The following FTCDNL1 variants were observed in gnomAD, a reference collection of about 807,000 sequenced individuals.
FTCDNL1 encodes formiminotransferase N-terminal subdomain-containing protein.
A neutral mutation model predicts 5.9 loss-of-function variants in FTCDNL1; 11 were observed. That is an observed-to-expected ratio of 1.87 (90% CI 1.18 to 3.10). FTCDNL1 has a LOEUF of 3.10. Among genes scored for constraint, FTCDNL1 ranks in the 30% most tolerant of loss-of-function variants. The probability of loss-of-function intolerance (pLI) is 0.00; values close to 1 mark genes in which losing one functional copy is unlikely to be tolerated. For synonymous variants in FTCDNL1, 58 were observed against 24.8 expected (o/e 2.34, Z -3.99); for missense variants, 115 against 65.5 (o/e 1.76, Z -2.61).
At chr2:199,784,538 T>G (rs2106337590) in intron 3 of FTCDNL1, among the ~76,000 whole-genome samples, 1 of 152,262 alleles carries the variant, frequency 6.6e-6, no homozygotes, top group South Asian at 2.1e-4. Context: ...GGGAGGACTC[T>G]CAAAAACAAT....
downstream of FTCDNL1, among the ~76,000 whole-genome samples, chr2:199,805,654 G>A (rs1463989318): frequency 2.0e-5 from 3 of 152,030 alleles, no homozygotes; most frequent in Non-Finnish European, 2.9e-5. Flanking sequence ...CAGCAGAATC[G>A]CTTGAACCCA....
intron 3 of FTCDNL1, among the ~76,000 whole-genome samples, chr2:199,825,967 T>TCACATGTATGTGC (rs374012160): frequency 0.08 from 12,168 of 152,194 alleles, 776 homozygotes; most frequent in Non-Finnish European, 0.12. Context: ...AATGTTCTGG[T>TCACATGTATGTGC]CACATGTATG....
chr2:199,779,644 G>A (rs897861121), intron 3 of FTCDNL1, among the ~76,000 whole-genome samples: 2 of 152,206 alleles, frequency 1.3e-5, no homozygotes, highest in Non-Finnish European at 2.9e-5. Flanking sequence ...CAATCTTGGA[G>A]AGCAATGTCA....
the FTCDNL1 span, among the ~76,000 whole-genome samples, chr2:199,713,233 C>T: frequency 6.6e-6 from 1 of 152,196 alleles, no homozygotes. Context: ...AAGACTGTCA[C>T]CACTAGTCAA....
chr2:199,709,761 C>T, the FTCDNL1 span, among the ~76,000 whole-genome samples: 10 of 151,820 alleles, frequency 6.6e-5, no homozygotes, highest in South Asian at 2.1e-4. Flanking sequence ...GTTTTGCTGA[C>T]GAGGGAGCAA....
chr2:199,825,558 G>A (rs1701979311), intron 3 of FTCDNL1, among the ~76,000 whole-genome samples: 1 of 152,180 alleles, frequency 6.6e-6, no homozygotes, highest in Admixed American at 6.5e-5. Context: ...CTTCATGAGT[G>A]GCTTGGTGCC....
At chr2:199,759,851 C>CA (rs1482489048), downstream of FTCDNL1, among the ~76,000 whole-genome samples, 1 of 152,092 alleles carries the variant, frequency 6.6e-6, no homozygotes, top group African/African-American at 2.4e-5. Flanking sequence ...TCAGTAGCAT[C>CA]AGTATGTGAA....
rs1349696230 is a variant in FTCDNL1 at position 199,811,996 on chromosome 2, C to T, written c.*709G>A. ...AGTTCATTTTTTAAGCAAAATAAAA[C>T]ATCAGAAATAACTTTCATATGCTTT... On this transcript the variant is annotated 3_prime_UTR_variant, in exon 5 of 5. Coordinates refer to ENST00000420128, the MANE Select transcript of FTCDNL1 (RefSeq NM_001363886.2). 6.6e-6 allele frequency among the ~76,000 whole-genome samples: 1 copy of T among 152,170 alleles called. No homozygotes were observed. Among genetic ancestry groups the T allele is most frequent in the Non-Finnish European group, 1.5e-5 (1 of 68,010 alleles).
chr2:199,783,225 C>T lies in FTCDNL1; in HGVS notation c.212-22390G>A, dbSNP rs148935329. ...TGTTACCAGTACTTTTCTCATTATA[C>T]AATAAACAAGTATTCTCCAAGCCCA... is the stretch of plus-strand genomic sequence containing the variant. On this transcript the variant is annotated intron_variant, in intron 3 of 3. Coordinates refer to the FTCDNL1 transcript ENST00000416668. Among the ~76,000 whole-genome samples, 641 of 152,296 alleles carry T rather than the reference C, an allele frequency of 4.2e-3. 2 individuals carry two copies. The highest frequency in any genetic ancestry group is 0.02 in the Middle Eastern group (6 of 294).
At chr2:199,840,953 C>A (rs2076568650) in intron 3 of FTCDNL1, among the ~76,000 whole-genome samples, 1 of 151,842 alleles carries the variant, frequency 6.6e-6, no homozygotes, top group South Asian at 2.1e-4. Context: ...GAATTCAAGA[C>A]CCACCTGGGC....
At chr2:199,836,099 C>T (rs1005842851) in intron 3 of FTCDNL1, among the ~76,000 whole-genome samples, 5 of 152,078 alleles carry the variant, frequency 3.3e-5, no homozygotes, top group African/African-American at 9.7e-5. Context: ...TTTCATGTAT[C>T]CCCCCATTTG....
chr2:199,780,260 G>C (rs1699299206), intron 3 of FTCDNL1, among the ~76,000 whole-genome samples: 1 of 152,104 alleles, frequency 6.6e-6, no homozygotes, highest in Non-Finnish European at 1.5e-5. Flanking sequence ...ATATCCCTGA[G>C]TCCACCATTA....
chr2:199,711,982 C>T, the FTCDNL1 span, among the ~76,000 whole-genome samples: 1 of 152,088 alleles, frequency 6.6e-6, no homozygotes, highest in Non-Finnish European at 1.5e-5. Context: ...AACCAGAAGC[C>T]AGACAGTAAG....
At chr2:199,814,865 C>G (rs1293913417) in intron 4 of FTCDNL1, among the ~76,000 whole-genome samples, 3 of 152,108 alleles carry the variant, frequency 2.0e-5, no homozygotes, top group Non-Finnish European at 4.4e-5. Context: ...AGAAAAGTGC[C>G]TGATGATGCA....
chr2:199,766,047 T>TACA (rs1241477355), intron 3 of FTCDNL1, among the ~76,000 whole-genome samples: 1 of 152,174 alleles, frequency 6.6e-6, no homozygotes, highest in Non-Finnish European at 1.5e-5. Context: ...CTATCTTTGC[T>TACA]ACTTTCCTCA....
the FTCDNL1 span, among the ~76,000 whole-genome samples, chr2:199,667,462 C>A: frequency 6.8e-6 from 1 of 146,184 alleles, no homozygotes; most frequent in Admixed American, 7.0e-5. Flanking sequence ...CATAGTGAGA[C>A]CTCGTCTCTA....
At chr2:199,696,121 C>T in the FTCDNL1 span, among the ~76,000 whole-genome samples, 1 of 152,342 alleles carries the variant, frequency 6.6e-6, no homozygotes, top group Non-Finnish European at 1.5e-5. Flanking sequence ...AGGCACTCTC[C>T]CGCAGCTTCC....
rs2076866296 is a variant in FTCDNL1, at chr2:199,851,102, C to A, written c.-370G>T. On this transcript the variant is annotated 5_prime_UTR_variant, in exon 1 of 5. Transcript: ENST00000420128. ...AGCGCCGAAGGGCGGTGGGGCAGGG[C>A]GACCGCCCAGCCCAAGTCGCCGCCG... 1 of 143,526 alleles carries A rather than the reference C, an allele frequency of 7.0e-6. No homozygotes were observed. The highest frequency in any genetic ancestry group is 1.6e-5 in the Non-Finnish European group (1 of 63,590). The allele number at this position is 143,526 out of a possible 1,614,324, so 8.9% of individuals were successfully genotyped here.
chr2:199,710,363 C>A, the FTCDNL1 span, among the ~76,000 whole-genome samples: 1 of 151,940 alleles, frequency 6.6e-6, no homozygotes, highest in African/African-American at 2.4e-5. Context: ...GTCATGAGTT[C>A]AGTGTTAATG....
Sources: gnomAD v4.1 joint callset for allele counts (sites outside exome capture counted in the v4.1 genomes callset) on GRCh38, gnomAD v4.1.1 for gene constraint, MANE v1.5 for transcripts, NCBI Gene and HGNC (gene_info 2026-07-23, HGNC 2026-07-21) for gene names.